The following HMCN2 variants were observed in gnomAD, a reference collection of about 807,000 sequenced individuals.
HMCN2 encodes the protein hemicentin 2.
Under a neutral mutation model 377.5 loss-of-function variants are expected in HMCN2, and 325 were observed. The ratio of observed to expected loss-of-function variants is 0.86; its 90% CI spans 0.79 to 0.94. HMCN2 has a LOEUF of 0.94. HMCN2 is among the 40% of genes least tolerant of loss of function. The probability of loss-of-function intolerance (pLI) is 0.00; values close to 1 mark genes in which losing one functional copy is unlikely to be tolerated. For synonymous variants in HMCN2, 2,007 were observed against 2,046.8 expected (o/e 0.98, Z 0.53); for missense variants, 4,543 against 4,725.3 (o/e 0.96, Z 1.13).
chr9:130,323,805 C>T (rs1031873543), intron 19 of HMCN2, among the ~76,000 whole-genome samples: 3,178 of 152,182 alleles, frequency 0.021, 50 homozygotes, highest in Non-Finnish European at 0.029. Context: ...CGGGTTCAAG[C>T]GATTCTCCTG....
intron 96 of HMCN2, among the ~76,000 whole-genome samples, chr9:130,431,788 C>T (rs1205344390): frequency 6.6e-6 from 1 of 152,234 alleles, no homozygotes; most frequent in Non-Finnish European, 1.5e-5. Flanking sequence ...CTCTCTAAGC[C>T]TCCGGCCTCC....
intron 35 of HMCN2, 88 bp from the exon 36 acceptor site, chr9:130,358,302 C>T (rs889986750): frequency 1.5e-6 from 2 of 1,291,882 alleles, no homozygotes; most frequent in African/African-American, 1.5e-5. Context: ...TGCTCCTGCC[C>T]CCGGGCTCGG....
intron 22 of HMCN2, among the ~76,000 whole-genome samples, chr9:130,336,541 C>T (rs1469312481): frequency 6.6e-6 from 1 of 152,162 alleles, no homozygotes; most frequent in Non-Finnish European, 1.5e-5. Flanking sequence ...ACTTGCCCAA[C>T]CTCACACAGC....
Position 130,393,986 on chromosome 9 carries a change from G to A in HMCN2, c.10479G>A (p.Arg3493=), listed in dbSNP as rs1231611481. ...TGAGCGAGGCGGGGGAAGCCAGGAG[G>A]CATTTCCAGCTGACCGTCATGGGTG... ...VAVSEAGEAR[R]HFQLTVMEPP... The change falls in exon 68 of 98, where the codon AGG becomes AGA. Residue 3493 remains arginine (R), a synonymous_variant. Transcript: ENST00000683500. This position sits in a 1 kb window ranked among gnomAD's most constrained non-coding sequence, Gnocchi z 5.2. 17 of 1,271,238 alleles carry A rather than the reference G, an allele frequency of 1.3e-5. No individual in the cohort carries two copies. The highest frequency in any genetic ancestry group is 1.5e-5 in the Non-Finnish European group (15 of 980,622). The allele number at this position is 1,271,238 out of a possible 1,614,324, so 78.7% of individuals were successfully genotyped here.
chr9:130,312,911 C>T (rs924631998), intron 15 of HMCN2, among the ~76,000 whole-genome samples: 1 of 152,058 alleles, frequency 6.6e-6, no homozygotes, highest in African/African-American at 2.4e-5. Context: ...CTACCCGCCT[C>T]GGCCTCCCAA....
chr9:130,321,079 T>C (rs1837828616), intron 18 of HMCN2, among the ~76,000 whole-genome samples, 176 bp downstream of exon 18: 1 of 152,202 alleles, frequency 6.6e-6, no homozygotes, highest in Non-Finnish European at 1.5e-5. Flanking sequence ...TGATGGTGTT[T>C]GTTGCCCTCT....
chr9:130,320,121 G>A (rs1359240023), intron 16 of HMCN2, among the ~76,000 whole-genome samples: 1 of 152,182 alleles, frequency 6.6e-6, no homozygotes, highest in African/African-American at 2.4e-5. Flanking sequence ...ACTACTACAA[G>A]GTACAGGCCA....
rs370364685 is a variant in HMCN2 at position 130,419,031 on chromosome 9, G to A, written c.13221G>A (p.Leu4407=). 48 of 1,487,754 alleles carry A rather than the reference G, an allele frequency of 3.2e-5. No homozygotes were observed. In the African/African-American group the frequency reaches 5.9e-4, roughly 18 times the overall value. 92.2% of individuals were successfully genotyped at this position (1,487,754 alleles called of 1,614,324 possible). A position where few individuals can be genotyped will look rare whatever the true frequency, so the allele number is the denominator to read the frequency against. Residue 4407 remains leucine, a synonymous_variant, in exon 86 of 98, where the codon CTG becomes CTA. Transcript: ENST00000683500. ...LLGSATARAF[L]VVRGEPQGSW... Reference sequence around the variant, plus strand: ...GCTCTGCCACAGCCCGGGCGTTCCTGGTCGTGAGAGGTATGGGGCATCCCT... The same window carrying A: ...GCTCTGCCACAGCCCGGGCGTTCCTAGTCGTGAGAGGTATGGGGCATCCCT...
chr9:130,331,668 G>A (rs1385449892), intron 22 of HMCN2, among the ~76,000 whole-genome samples: 3 of 152,212 alleles, frequency 2.0e-5, no homozygotes, highest in Admixed American at 6.5e-5. Context: ...GACAGGCGAT[G>A]GTGGCCAGAG....
chr9:130,312,046 C>G (rs1407194096), intron 15 of HMCN2, among the ~76,000 whole-genome samples: 1 of 152,210 alleles, frequency 6.6e-6, no homozygotes, highest in African/African-American at 2.4e-5. Flanking sequence ...TCATGTAACC[C>G]TCACAACAAC....
At chr9:130,425,413 G>T (rs1844272955) in intron 89 of HMCN2, among the ~76,000 whole-genome samples, 1 of 152,008 alleles carries the variant, frequency 6.6e-6, no homozygotes, top group South Asian at 2.1e-4. Context: ...AGCCCAGCTG[G>T]TTAGAAGAGG....
In HMCN2 at chr9:130,416,114, T is replaced by A. The variant is rs1353723125; in HGVS notation, c.12962-2658T>A. Among the ~76,000 whole-genome samples, 234 of 149,714 alleles carry A rather than the reference T, an allele frequency of 1.6e-3. 2 individuals carry two copies. The highest frequency in any genetic ancestry group is 7.9e-3 in the South Asian group (37 of 4,662). The stretch of plus-strand genomic sequence containing the variant: ...CTAGAGGCTTTATTTTTTTTTTTTT[T>A]TTTTTTTGGAGACAGAGTCTCACTC... On this transcript the variant is annotated intron_variant, in intron 85 of 97. Transcript: ENST00000683500.
chr9:130,393,860 G>A lies in HMCN2; in HGVS notation c.10353G>A (p.Lys3451=), dbSNP rs1842457725. 1.6e-6 allele frequency: 2 copies of A among 1,289,608 alleles called. No homozygotes were observed. Among genetic ancestry groups the A allele is most frequent in the African/African-American group, 3.0e-5 (2 of 65,856 alleles). The allele number at this position is 1,289,608 out of a possible 1,614,324, so 79.9% of individuals were successfully genotyped here. Residue 3451 remains lysine, a synonymous_variant, in exon 68 of 98, where the codon AAG becomes AAA. Transcript: ENST00000683500. The surrounding 1 kb of genome is among the most constrained non-coding windows in gnomAD (Gnocchi z 5.2). ...GVPLPLVSWM[K]DGEPLLSQSL... The stretch of plus-strand genomic sequence containing the variant: ...CCCTGCCTCTCGTGTCGTGGATGAA[G>A]GATGGGGAACCCTTGTTGTCCCAGA...
intron 73 of HMCN2, 35 bp downstream of exon 73, chr9:130,396,348 C>G: frequency 5.6e-6 from 7 of 1,243,108 alleles, no homozygotes; most frequent in Non-Finnish European, 7.3e-6. Flanking sequence ...CAGGGAGGCT[C>G]TCAGGTGCCA....
intron 19 of HMCN2, among the ~76,000 whole-genome samples, chr9:130,323,238 C>T (rs993861173): frequency 0.12 from 17,926 of 152,206 alleles, 1,544 homozygotes; most frequent in East Asian, 0.49. Flanking sequence ...CTGGCTGTGG[C>T]GACCTGGGAG....
At chr9:130,327,931 G>A (rs1838232726) in intron 22 of HMCN2, among the ~76,000 whole-genome samples, 2 of 152,206 alleles carry the variant, frequency 1.3e-5, no homozygotes, top group East Asian at 1.9e-4. Context: ...CTCCCGGTCC[G>A]GGATCCTGGG....
chr9:130,306,918 C>T lies in HMCN2; in HGVS notation c.2066C>T (p.Thr689Met), dbSNP rs569083367. ...ATNEVGTDQE[T>M]VTLYYTDPPS... ...AATGAGGTTGGCACTGACCAGGAGA[C>T]GGTCACCCTCTACTACACAGGTACC... Residue 689 changes from threonine to methionine, a missense_variant, in exon 13 of 98, where the codon ACG (threonine) becomes ATG (methionine). Physicochemically the swap from Thr to Met is moderately conservative, Grantham distance 81 (BLOSUM62 -1). Around this residue, in one of 5 missense-constraint regions of HMCN2, gnomAD observed 547 missense variants for 189.9 expected, o/e 2.88. Coordinates refer to ENST00000683500, the MANE Select transcript of HMCN2 (RefSeq NM_001291815.2). 15 of 470,494 alleles carry T rather than the reference C, an allele frequency of 3.2e-5. No homozygotes were observed. The highest frequency in any genetic ancestry group is 1.2e-4 in the Admixed American group (5 of 42,538). The allele number at this position is 470,494 out of a possible 1,614,324, so 29.1% of individuals were successfully genotyped here. A position where few individuals can be genotyped will look rare whatever the true frequency, so the allele number is the denominator to read the frequency against.
chr9:130,380,566 C>T (rs1431739877), intron 54 of HMCN2, among the ~76,000 whole-genome samples: 3 of 152,080 alleles, frequency 2.0e-5, no homozygotes, highest in Non-Finnish European at 2.9e-5. Flanking sequence ...GTGGGAGGAT[C>T]GCTTGAGCCC....
rs529246885 is a variant in HMCN2, at chr9:130,349,759, C to T, written c.4430+96C>T. 3.4e-6 allele frequency: 4 copies of T among 1,176,956 alleles called. No individual in the cohort carries two copies. The African/African-American group carries it at 4.7e-5, about 14-fold the overall frequency. The allele number at this position is 1,176,956 out of a possible 1,614,324, so 72.9% of individuals were successfully genotyped here. A position where few individuals can be genotyped will look rare whatever the true frequency, so the allele number is the denominator to read the frequency against. ...GGAAGGTTGAACTCTTCTTGGGGAGCTGACAGGCATGGCATGTGCCACCCA... is the reference window on the plus strand; with the variant it reads ...GGAAGGTTGAACTCTTCTTGGGGAGTTGACAGGCATGGCATGTGCCACCCA... On this transcript the variant is annotated intron_variant, in intron 29 of 97. Coordinates refer to ENST00000683500, the MANE Select transcript of HMCN2 (RefSeq NM_001291815.2).
Sources: gnomAD v4.1 joint callset for allele counts (sites outside exome capture counted in the v4.1 genomes callset) on GRCh38, gnomAD v4.1.1 for gene constraint, gnomAD v4.1.1 regional missense constraint, Gnocchi (gnomAD v3.1) non-coding constraint, MANE v1.5 for transcripts, NCBI Gene and HGNC (gene_info 2026-07-23, HGNC 2026-07-21) for gene names.